ADAMTS3: variants seen among roughly 807,000 people sequenced by gnomAD.
ADAMTS3 encodes A disintegrin and metalloproteinase with thrombospondin motifs 3.
Under a neutral mutation model 129.0 loss-of-function variants are expected in ADAMTS3, and 73 were observed. The ratio of observed to expected loss-of-function variants is 0.57; its 90% confidence interval spans 0.47 to 0.69. The LOEUF is 0.69. ADAMTS3 is among the 30% of genes least tolerant of loss of function. The probability of loss-of-function intolerance (pLI) is 0.00; values close to 1 mark genes in which losing one functional copy is unlikely to be tolerated. For synonymous variants in ADAMTS3, 477 were observed against 510.8 expected (o/e 0.93, Z 0.89); for missense variants, 1,457 against 1,514.5 (o/e 0.96, Z 0.63).
chr4:72,290,930 A>G lies in ADAMTS3; in HGVS notation c.2856T>C (p.Gly952=). 6.2e-7 allele frequency: 1 copy of G among 1,614,028 alleles called. No individual in the cohort carries two copies. The highest frequency in any genetic ancestry group is 8.5e-7 in the Non-Finnish European group (1 of 1,179,958). ...AGGGCCGGCGGCTCTCGGGACGGTC[A>G]CCCATGCAGTATTTGCTGTGCACAG... ...NRSVHSKYCM[G]DRPESRRPCN... is the part of the protein sequence containing the mutation. The change falls in exon 20 of 22, where the codon GGT becomes GGC. Residue 952 remains glycine (G), a synonymous_variant. Coordinates refer to ENST00000286657, the MANE Select transcript of ADAMTS3 (RefSeq NM_014243.3).
intron 4 of ADAMTS3, among the ~76,000 whole-genome samples, chr4:72,359,931 C>T (rs751585120): frequency 6.6e-6 from 1 of 151,928 alleles, no homozygotes; most frequent in Non-Finnish European, 1.5e-5. Flanking sequence ...TATAAGTACA[C>T]TTTTCATTAT....
intron 4 of ADAMTS3, among the ~76,000 whole-genome samples, chr4:72,407,552 T>C (rs745584310): frequency 6.6e-6 from 1 of 152,004 alleles, no homozygotes; most frequent in Non-Finnish European, 1.5e-5. Flanking sequence ...CCCTGAGACT[T>C]GACAATAAAA....
At chr4:72,533,282 G>C (rs908404681) in intron 3 of ADAMTS3, among the ~76,000 whole-genome samples, 2 of 152,072 alleles carry the variant, frequency 1.3e-5, no homozygotes, top group Non-Finnish European at 2.9e-5. Context: ...CCTACACAGA[G>C]TCAGATTCAT....
intron 4 of ADAMTS3, among the ~76,000 whole-genome samples, chr4:72,376,970 C>T (rs1310562345): frequency 6.6e-6 from 1 of 152,050 alleles, no homozygotes; most frequent in African/African-American, 2.4e-5. Context: ...CATGAATAAA[C>T]AGAAATTTGA....
chr4:72,439,049 T>C (rs1245834120), intron 3 of ADAMTS3, among the ~76,000 whole-genome samples: 1 of 151,760 alleles, frequency 6.6e-6, no homozygotes, highest in Non-Finnish European at 1.5e-5. Context: ...CTCAGTAGCA[T>C]ATACCCAAGC....
Position 72,313,758 on chromosome 4 carries a change from C to A in ADAMTS3, c.1664G>T (p.Gly555Val). Residue 555 changes from glycine to valine, a missense_variant, in exon 12 of 22, where the codon GGG becomes GTG. Transcript: ENST00000286657. ...ANQQKQDGNW[G>V]SWTKFGSCSR... ...ACAGGAGCCAAATTTAGTCCATGAC[C>A]CCCAATTGCCATCTTGTTTTTGCTG... is the stretch of plus-strand genomic sequence containing the variant. 6.2e-7 allele frequency: 1 copy of A among 1,613,820 alleles called. No individual in the cohort carries two copies. The highest frequency in any genetic ancestry group is 8.5e-7 in the Non-Finnish European group (1 of 1,179,878).
At chr4:72,317,613 T>G (rs1316762346) in intron 10 of ADAMTS3, among the ~76,000 whole-genome samples, 1 of 152,166 alleles carries the variant, frequency 6.6e-6, no homozygotes, top group East Asian at 1.9e-4. Context: ...CTAAGCACTT[T>G]AATTATATTA....
intron 3 of ADAMTS3, among the ~76,000 whole-genome samples, chr4:72,512,506 A>G (rs1219930739): frequency 2.0e-5 from 3 of 152,176 alleles, no homozygotes; most frequent in Non-Finnish European, 2.9e-5. Context: ...ATAAATGAAT[A>G]AATAAATAAA....
rs369488371 is a variant in ADAMTS3 at position 72,464,858 on chromosome 4, T to C, written c.505-49887A>G. Reference sequence around the variant, plus strand: ...ATCTTAGAAGTTTCAGGCGTTTGTGTGTCACCAAATGAGTATTCAAGCATT... The same window carrying C: ...ATCTTAGAAGTTTCAGGCGTTTGTGCGTCACCAAATGAGTATTCAAGCATT... On this transcript the variant is annotated intron_variant, in intron 3 of 21. Coordinates refer to ENST00000286657, the MANE Select transcript of ADAMTS3 (RefSeq NM_014243.3). Among the ~76,000 whole-genome samples, 12 of 152,170 alleles carry C rather than the reference T, an allele frequency of 7.9e-5. No homozygotes were observed. In the East Asian group the frequency reaches 2.1e-3, roughly 27 times the overall value.
chr4:72,296,240 G>A (rs1337900203), intron 18 of ADAMTS3, among the ~76,000 whole-genome samples: 1 of 151,962 alleles, frequency 6.6e-6, no homozygotes, highest in Non-Finnish European at 1.5e-5. Context: ...AATAGTATGG[G>A]GTAATGGAAA....
intron 3 of ADAMTS3, among the ~76,000 whole-genome samples, chr4:72,482,311 A>G (rs148294648): frequency 6.6e-6 from 1 of 152,280 alleles, no homozygotes; most frequent in East Asian, 1.9e-4. Flanking sequence ...ATTCCTTGGA[A>G]TAGTACACAT....
chr4:72,477,999 T>C (rs574544372), intron 3 of ADAMTS3, among the ~76,000 whole-genome samples: 21 of 152,144 alleles, frequency 1.4e-4, no homozygotes, highest in African/African-American at 5.1e-4. Flanking sequence ...CAGGAAGAAG[T>C]TGAATCTCTG....
chr4:72,351,459 T>A (rs956936822), intron 4 of ADAMTS3, among the ~76,000 whole-genome samples: 3 of 151,796 alleles, frequency 2.0e-5, no homozygotes, highest in Non-Finnish European at 4.4e-5. Flanking sequence ...AAAATGTACT[T>A]TTATGACACA....
rs777328971 is a variant in ADAMTS3, at chr4:72,309,498, A to C, written c.2078T>G (p.Ile693Ser). Residue 693 changes from isoleucine (I) to serine (S), a missense_variant, in exon 15 of 22, where the codon ATT becomes AGT. By Grantham distance (142) the Ile-to-Ser change is moderately radical. Transcript: ENST00000286657. Reference sequence around the variant, plus strand: ...CTTATCCTCAACCTTATTAGAACCAATTTCTTTATCACAGCCCACTTTCTG... The same window carrying C: ...CTTATCCTCAACCTTATTAGAACCACTTTCTTTATCACAGCCCACTTTCTG... ...ECVKVGCDKE[I>S]GSNKVEDKCG... 1 of 1,611,734 alleles carries C rather than the reference A, an allele frequency of 6.2e-7. No individual in the cohort carries two copies.
At chr4:72,364,462 A>G (rs1720816275) in intron 4 of ADAMTS3, among the ~76,000 whole-genome samples, 1 of 151,968 alleles carries the variant, frequency 6.6e-6, no homozygotes, top group Admixed American at 6.6e-5. Flanking sequence ...TAAAAATACA[A>G]AAATTAGCCA....
At chr4:72,357,224 G>GA (rs1720602825) in intron 4 of ADAMTS3, among the ~76,000 whole-genome samples, 1 of 151,856 alleles carries the variant, frequency 6.6e-6, no homozygotes. Flanking sequence ...AATGGAAGTT[G>GA]AAATATGTGA....
intron 14 of ADAMTS3, 133 bp from the exon 15 acceptor site, chr4:72,309,653 A>G (rs1719179404): frequency 1.2e-6 from 1 of 852,356 alleles, no homozygotes; most frequent in Admixed American, 2.6e-5. Context: ...CACTGTAGTC[A>G]TAATTTTTAA....
chr4:72,378,306 G>A (rs1388963962), intron 4 of ADAMTS3, among the ~76,000 whole-genome samples: 1 of 152,094 alleles, frequency 6.6e-6, no homozygotes, highest in African/African-American at 2.4e-5. Flanking sequence ...GAGTCAAAAT[G>A]GTTACTTTCT....
intron 3 of ADAMTS3, among the ~76,000 whole-genome samples, chr4:72,478,532 G>A (rs1719314908): frequency 6.7e-6 from 1 of 149,210 alleles, no homozygotes. Flanking sequence ...AGGTATTGAT[G>A]GGACATATCT....
Sources: allele counts gnomAD v4.1 joint callset (sites outside exome capture counted in the v4.1 genomes callset), GRCh38; gene constraint gnomAD v4.1.1; transcripts MANE v1.5; gene names NCBI Gene and HGNC (gene_info 2026-07-23, HGNC 2026-07-21).